The following IGSF21 variants were observed in gnomAD, a reference collection of about 807,000 sequenced individuals.
IGSF21 encodes immunoglobin superfamily member 21, also known as immunoglobulin superfamily member 21.
Under a neutral mutation model 46.8 loss-of-function variants are expected in IGSF21, and 28 were observed. The observed-to-expected ratio is 0.60, with a 90% CI of 0.44 to 0.82. The LOEUF (loss-of-function observed/expected upper bound fraction) is 0.82, where lower values mean the gene tolerates loss of function less well. IGSF21 is among the 40% of genes least tolerant of loss of function. The pLI is 0.00. For missense variants in IGSF21, 624 were observed against 665.5 expected (o/e 0.94, Z 0.69); for synonymous variants, 284 against 273.6 (o/e 1.04, Z -0.38).
At chr1:18,274,983 C>T (rs939449061) in intron 2 of IGSF21, among the ~76,000 whole-genome samples, 1 of 152,012 alleles carries the variant, frequency 6.6e-6, no homozygotes, top group African/African-American at 2.4e-5. Flanking sequence ...GCCGAAATCG[C>T]GCCACTGCAC....
Position 18,290,137 on chromosome 1 carries a change from G to A in IGSF21, c.184-1729G>A, listed in dbSNP as rs1193952424. Among the ~76,000 whole-genome samples the A allele has an allele frequency of 6.6e-6, 1 of 152,160 alleles. No homozygotes were observed. The highest frequency in any genetic ancestry group is 6.5e-5 in the Admixed American group (1 of 15,278). The stretch of plus-strand genomic sequence containing the variant: ...TTGGGGTGAGCATCTTTCTTGGGGT[G>A]AGTGCCAGCAGGGATCCCAAGAGGA... On this transcript the variant is annotated intron_variant, in intron 2 of 9. Coordinates refer to ENST00000251296, the MANE Select transcript of IGSF21 (RefSeq NM_032880.5). This position sits in a 1 kb window ranked among gnomAD's most constrained non-coding sequence, Gnocchi z 4.2.
intron 1 of IGSF21, among the ~76,000 whole-genome samples, chr1:18,222,572 T>C (rs1227951223): frequency 1.3e-5 from 2 of 152,160 alleles, no homozygotes. Flanking sequence ...TGATTATTCC[T>C]GCATCCACAT....
At chr1:18,347,773 C>G (rs2085909855) in intron 4 of IGSF21, among the ~76,000 whole-genome samples, 1 of 152,148 alleles carries the variant, frequency 6.6e-6, no homozygotes, top group Non-Finnish European at 1.5e-5. Context: ...ATAGAGCTAG[C>G]AGACTGTCAT....
At chr1:18,149,986 G>A (rs181767461) in intron 1 of IGSF21, among the ~76,000 whole-genome samples, 1 of 152,292 alleles carries the variant, frequency 6.6e-6, no homozygotes, top group East Asian at 1.9e-4. Context: ...GGGAGTGGTG[G>A]CTTATGCCTA....
chr1:18,294,163 G>C (rs1034557394), intron 3 of IGSF21, among the ~76,000 whole-genome samples: 1 of 152,126 alleles, frequency 6.6e-6, no homozygotes, highest in African/African-American at 2.4e-5. Flanking sequence ...AGTGAAATCT[G>C]GGGCTGGTAA....
chr1:18,354,788 A>T (rs1006787034), intron 4 of IGSF21, among the ~76,000 whole-genome samples: 17 of 152,216 alleles, frequency 1.1e-4, no homozygotes, highest in Admixed American at 1.1e-3. Flanking sequence ...TCCCCTATAC[A>T]TTGTTCTCAG....
intron 2 of IGSF21, among the ~76,000 whole-genome samples, chr1:18,278,531 T>G (rs562234301): frequency 7.2e-4 from 102 of 140,912 alleles, no homozygotes; most frequent in South Asian, 2.6e-3. Context: ...GTAAGGTTTT[T>G]TTTGTTTGTT....
At chr1:18,237,379 C>A (rs1213013454) in intron 2 of IGSF21, among the ~76,000 whole-genome samples, 1 of 152,272 alleles carries the variant, frequency 6.6e-6, no homozygotes, top group Middle Eastern at 3.4e-3. Flanking sequence ...GCTTCCCGTC[C>A]AGTTGCCCAT....
chr1:18,359,508 G>GAA (rs2086077687), intron 4 of IGSF21, among the ~76,000 whole-genome samples: 5 of 64,118 alleles, frequency 7.8e-5, no homozygotes, highest in African/African-American at 1.5e-4. Flanking sequence ...AGGAAGGAAG[G>GAA]AAGGAAAAGC....
chr1:18,108,668 T>A (rs2086114248), intron 1 of IGSF21, among the ~76,000 whole-genome samples: 1 of 151,054 alleles, frequency 6.6e-6, no homozygotes, highest in African/African-American at 2.4e-5. Flanking sequence ...CCTGTGAGGG[T>A]GTGAAGTGTG....
chr1:18,267,541 G>A (rs564263521), intron 2 of IGSF21, among the ~76,000 whole-genome samples: 3 of 152,342 alleles, frequency 2.0e-5, no homozygotes, highest in South Asian at 4.1e-4. Context: ...TAGGCTCAGA[G>A]GGAGAGTGGA....
At chr1:18,256,782 C>T (rs540280099) in intron 2 of IGSF21, among the ~76,000 whole-genome samples, 3 of 152,282 alleles carry the variant, frequency 2.0e-5, no homozygotes, top group South Asian at 2.1e-4. Context: ...ACATCCCAGC[C>T]GCAAATAATT....
intron 1 of IGSF21, among the ~76,000 whole-genome samples, chr1:18,221,908 C>T (rs752484141): frequency 6.6e-6 from 1 of 152,152 alleles, no homozygotes; most frequent in Non-Finnish European, 1.5e-5. Flanking sequence ...CAGGTTCAGG[C>T]TCAGTTAGCA....
chr1:18,310,080 T>C (rs920359286), intron 3 of IGSF21, among the ~76,000 whole-genome samples: 1 of 152,176 alleles, frequency 6.6e-6, no homozygotes, highest in African/African-American at 2.4e-5. Context: ...TGCCTCCTCC[T>C]TTGCTCAACA....
intron 1 of IGSF21, among the ~76,000 whole-genome samples, chr1:18,209,466 T>A (rs2084366964): frequency 6.6e-6 from 1 of 151,842 alleles, no homozygotes; most frequent in African/African-American, 2.4e-5. Context: ...TTCTTTCTTT[T>A]TTTTTTTAGA....
intron 1 of IGSF21, among the ~76,000 whole-genome samples, chr1:18,176,894 A>G (rs756785831): frequency 1.3e-5 from 2 of 152,220 alleles, no homozygotes; most frequent in African/African-American, 2.4e-5. Context: ...CAGTGCTATT[A>G]GTAGCCTTGC....
At chr1:18,185,703 G>A (rs1392155032) in intron 1 of IGSF21, among the ~76,000 whole-genome samples, 4 of 152,164 alleles carry the variant, frequency 2.6e-5, no homozygotes, top group African/African-American at 9.7e-5. Context: ...ACCTCTCCGT[G>A]CCTCAGTTTC....
rs2085784180 is a variant in IGSF21 at position 18,337,631 on chromosome 1, G to A, written c.424+2621G>A. Among the ~76,000 whole-genome samples, 1 of 123,856 alleles carries A rather than the reference G, an allele frequency of 8.1e-6. No individual in the cohort carries two copies. The highest frequency in any genetic ancestry group is 2.9e-5 in the African/African-American group (1 of 34,420). 81.3% of individuals were successfully genotyped at this position (123,856 alleles called of 152,430 possible). A position where few individuals can be genotyped will look rare whatever the true frequency, so the allele number is the denominator to read the frequency against. The stretch of plus-strand genomic sequence containing the variant: ...TGTCTCTGGGAGTGGCAGAGACAGG[G>A]GTCTCTCCTTACTCACCTTCTCTGG... On this transcript the variant is annotated intron_variant, in intron 4 of 9. Transcript: ENST00000251296. The surrounding 1 kb of genome is among the most constrained non-coding windows in gnomAD (Gnocchi z 5.7).
At chr1:18,138,965 G>A (rs1024243377) in intron 1 of IGSF21, among the ~76,000 whole-genome samples, 2 of 152,196 alleles carry the variant, frequency 1.3e-5, no homozygotes, top group Non-Finnish European at 2.9e-5. Context: ...CAAGCACTTA[G>A]TAAGCACCTG....
Sources: gnomAD v4.1 joint callset for allele counts (sites outside exome capture counted in the v4.1 genomes callset) on GRCh38, gnomAD v4.1.1 for gene constraint, Gnocchi (gnomAD v3.1) non-coding constraint, MANE v1.5 for transcripts, NCBI Gene and HGNC (gene_info 2026-07-23, HGNC 2026-07-21) for gene names.